The following SRPK2 variants were observed in gnomAD, a reference collection of about 807,000 sequenced individuals.
The protein encoded by SRPK2 is SFRS protein kinase 2.
SRPK2 carries 21 observed loss-of-function variants against 90.8 expected under a neutral mutation model. That is an observed-to-expected ratio of 0.23 (90% confidence interval 0.16 to 0.33). SRPK2 has a LOEUF of 0.33. Ranked by LOEUF, SRPK2 falls within the 10% of genes least tolerant of loss-of-function variation. The pLI, the probability that SRPK2 is intolerant of heterozygous loss-of-function variation, is 1.00. For missense variants in SRPK2, 620 were observed against 869.0 expected, an observed-to-expected ratio of 0.71 and a Z score of 3.60; for synonymous variants, 288 against 311.1, an observed-to-expected ratio of 0.93 and a Z score of 0.78.
intron 2 of SRPK2, among the ~76,000 whole-genome samples, chr7:105,239,564 G>A (rs1215061237): frequency 6.6e-6 from 1 of 152,190 alleles, no homozygotes; most frequent in Non-Finnish European, 1.5e-5. Context: ...CAGGGAAACA[G>A]CCTGAACATC....
At chr7:105,286,677 C>T (rs1263605437) in intron 2 of SRPK2, among the ~76,000 whole-genome samples, 1 of 152,194 alleles carries the variant, frequency 6.6e-6, no homozygotes, top group Non-Finnish European at 1.5e-5. Context: ...ACTGGTTTTA[C>T]TTACACTGGC....
At chr7:105,186,438 C>T (rs1230323433) in intron 3 of SRPK2, among the ~76,000 whole-genome samples, 1 of 152,204 alleles carries the variant, frequency 6.6e-6, no homozygotes, top group Admixed American at 6.5e-5. Context: ...CAAGAAAGAA[C>T]ATGCAGTAGC....
intron 1 of SRPK2, among the ~76,000 whole-genome samples, chr7:105,395,162 G>A (rs1447032532): frequency 1.3e-5 from 2 of 151,998 alleles, no homozygotes; most frequent in African/African-American, 4.8e-5. Context: ...AACAGAGTGA[G>A]ACTCCATCTC....
At chr7:105,201,889 G>A (rs1312481360) in intron 3 of SRPK2, among the ~76,000 whole-genome samples, 1 of 151,946 alleles carries the variant, frequency 6.6e-6, no homozygotes. Flanking sequence ...CTCAGAAAAA[G>A]AAAAAACAAG....
intron 2 of SRPK2, among the ~76,000 whole-genome samples, chr7:105,312,648 A>AT (rs1476619061): frequency 1.3e-5 from 2 of 152,178 alleles, no homozygotes; most frequent in African/African-American, 4.8e-5. Context: ...AAACCCAAAC[A>AT]TTCCTGAATC....
chr7:105,250,375 G>C (rs561739678), intron 2 of SRPK2, among the ~76,000 whole-genome samples: 22 of 150,848 alleles, frequency 1.5e-4, no homozygotes, highest in Admixed American at 3.3e-4. Context: ...AACATACTTT[G>C]TACCACATGC....
intron 15 of SRPK2, 89 bp downstream of exon 15, chr7:105,126,159 A>C (rs1410355726): frequency 1.8e-6 from 2 of 1,116,798 alleles, no homozygotes; most frequent in East Asian, 2.4e-5. Context: ...TTTAGGAGAA[A>C]TGCCTTTGTC....
chr7:105,299,225 T>C (rs1377633101), intron 2 of SRPK2, among the ~76,000 whole-genome samples: 1 of 152,220 alleles, frequency 6.6e-6, no homozygotes, highest in Non-Finnish European at 1.5e-5. Context: ...TGGGAAGTTA[T>C]CTTCCTAAAC....
chr7:105,268,529 T>G (rs1805400172), intron 2 of SRPK2, among the ~76,000 whole-genome samples: 1 of 152,230 alleles, frequency 6.6e-6, no homozygotes, highest in African/African-American at 2.4e-5. Context: ...TAAATTATTT[T>G]TAAAGCCTTC....
intron 7 of SRPK2, 92 bp downstream of exon 7, chr7:105,160,414 AT>A (rs1807438806): frequency 2.9e-6 from 2 of 699,638 alleles, no homozygotes; most frequent in Non-Finnish European, 5.2e-6. Context: ...ACTGATACAT[AT>A]GTAATACATA....
intron 11 of SRPK2, among the ~76,000 whole-genome samples, chr7:105,138,669 G>C (rs1803246892): frequency 6.6e-6 from 1 of 152,144 alleles, no homozygotes; most frequent in South Asian, 2.1e-4. Context: ...AGACATGGTA[G>C]TGCCAACTGT....
chr7:105,339,599 A>T (rs1015858211), intron 2 of SRPK2, among the ~76,000 whole-genome samples: 7 of 152,176 alleles, frequency 4.6e-5, no homozygotes, highest in African/African-American at 1.2e-4. Flanking sequence ...TGGGCCATGA[A>T]CTCCTGTGAT....
Position 105,170,901 on chromosome 7 carries a change from A to AAGG in SRPK2, c.230-1637_230-1636insCCT, listed in dbSNP as rs1563025858. 5.2e-4 allele frequency among the ~76,000 whole-genome samples: 64 copies of AAGG among 123,382 alleles called. 3 individuals carry two copies. Among genetic ancestry groups the AAGG allele is most frequent in the Middle Eastern group, 3.9e-3 (1 of 258 alleles). 80.9% of individuals were successfully genotyped at this position (123,382 alleles called of 152,430 possible). A position where few individuals can be genotyped will look rare whatever the true frequency, so the allele number is the denominator to read the frequency against. On this transcript the variant is annotated intron_variant, in intron 3 of 15. Coordinates refer to ENST00000393651, the MANE Select transcript of SRPK2 (RefSeq NM_182692.3). ...AAAGAAAGAAAGAAAGAAAGAAAGA[A>AAGG]AGAAAGAAAGAAAGGAGAAAGAAAA...
intron 2 of SRPK2, among the ~76,000 whole-genome samples, chr7:105,375,393 G>A (rs1820166214): frequency 6.6e-6 from 1 of 152,160 alleles, no homozygotes; most frequent in African/African-American, 2.4e-5. Flanking sequence ...AAACTGAAAT[G>A]TAGTCAGGCC....
chr7:105,161,429 A>G (rs900900637), intron 6 of SRPK2, among the ~76,000 whole-genome samples: 1 of 152,254 alleles, frequency 6.6e-6, no homozygotes, highest in African/African-American at 2.4e-5. Flanking sequence ...TCTGTGCCAT[A>G]TATTATTTCA....
intron 2 of SRPK2, among the ~76,000 whole-genome samples, chr7:105,375,017 A>G (rs781046592): frequency 5.9e-5 from 9 of 152,232 alleles, no homozygotes; most frequent in Admixed American, 1.3e-4. Flanking sequence ...GAAAAAGGCC[A>G]GAAGGAAATA....
chr7:105,255,678 T>C (rs1803170724), intron 2 of SRPK2, among the ~76,000 whole-genome samples: 1 of 152,202 alleles, frequency 6.6e-6, no homozygotes, highest in Non-Finnish European at 1.5e-5. Flanking sequence ...TTGCCTGTAA[T>C]CCCAGCACTT....
At chr7:105,310,220 A>G (rs1053357172) in intron 2 of SRPK2, among the ~76,000 whole-genome samples, 1 of 152,222 alleles carries the variant, frequency 6.6e-6, no homozygotes, top group Non-Finnish European at 1.5e-5. Context: ...CAGCTGAACC[A>G]ACTGAAGTTC....
intron 15 of SRPK2, among the ~76,000 whole-genome samples, chr7:105,120,613 C>G (rs1207312627): frequency 1.3e-5 from 2 of 149,802 alleles, no homozygotes; most frequent in African/African-American, 4.9e-5. Flanking sequence ...GTCCTGAGCA[C>G]AGAGCAGCAC....
Sources: gnomAD v4.1 joint callset for allele counts (sites outside exome capture counted in the v4.1 genomes callset) on GRCh38, gnomAD v4.1.1 for gene constraint, MANE v1.5 for transcripts, NCBI Gene and HGNC (gene_info 2026-07-23, HGNC 2026-07-21) for gene names.